The following MTFR1 variants were observed in gnomAD, a reference collection of about 807,000 sequenced individuals.
MTFR1 encodes the protein chondrocyte protein with a poly-proline region.
In MTFR1, 28 loss-of-function variants were observed where a neutral mutation model predicts 38.8. The observed-to-expected ratio is 0.72, with a 90% CI of 0.53 to 0.99. The LOEUF (loss-of-function observed/expected upper bound fraction) is 0.99. Ranked by LOEUF, MTFR1 falls within the 50% of genes least tolerant of loss-of-function variation. The pLI, the probability that MTFR1 is intolerant of heterozygous loss-of-function variation, is 0.00. For missense variants in MTFR1, 358 were observed against 395.5 expected, an observed-to-expected ratio of 0.91 and a Z score of 0.81; for synonymous variants, 145 against 137.0, an observed-to-expected ratio of 1.06 and a Z score of -0.41.
chr8:65,734,932 G>GT, intron 3 of MTFR1: 6 of 1,263,786 alleles, frequency 4.7e-6, no homozygotes, highest in Non-Finnish European at 5.8e-6. Flanking sequence ...TATTGTATAT[G>GT]AGCAACATAT....
chr8:65,665,215 G>A (rs1804347839), intron 1 of MTFR1, among the ~76,000 whole-genome samples: 2 of 152,248 alleles, frequency 1.3e-5, no homozygotes, highest in South Asian at 2.1e-4. Context: ...TTACAGGTAT[G>A]AGCCACCATG....
chr8:65,662,292 A>G (rs375919011), intron 1 of MTFR1, among the ~76,000 whole-genome samples: 5 of 151,566 alleles, frequency 3.3e-5, no homozygotes, highest in African/African-American at 4.9e-5. Flanking sequence ...TGGAGACGGG[A>G]TTTCGCTGTG....
At chr8:65,697,557 T>A (rs1163245867) in intron 4 of MTFR1, among the ~76,000 whole-genome samples, 1 of 152,264 alleles carries the variant, frequency 6.6e-6, no homozygotes, top group Non-Finnish European at 1.5e-5. Context: ...ATTCCAGTTT[T>A]TGGCTGTTAA....
chr8:65,708,258 G>A, intron 7 of MTFR1: 1 of 719,224 alleles, frequency 1.4e-6, no homozygotes, highest in Non-Finnish European at 2.1e-6. Flanking sequence ...TTTGAAACTT[G>A]TAGAAGAGCA....
chr8:65,688,951 C>A (rs1805188417), intron 3 of MTFR1, among the ~76,000 whole-genome samples: 1 of 151,732 alleles, frequency 6.6e-6, no homozygotes, highest in Admixed American at 6.6e-5. Context: ...TCAAGACCAC[C>A]CTGGTCAACA....
intron 1 of MTFR1, among the ~76,000 whole-genome samples, chr8:65,645,683 G>A (rs1273147389): frequency 1.0e-5 from 1 of 98,248 alleles, no homozygotes; most frequent in African/African-American, 4.1e-5. Flanking sequence ...GCGCCATCAC[G>A]CCCGGCTTTC....
intron 3 of MTFR1, among the ~76,000 whole-genome samples, chr8:65,769,105 G>A (rs139369145): frequency 0.016 from 2,480 of 151,908 alleles, 67 homozygotes; most frequent in African/African-American, 0.056. Flanking sequence ...AAAATTAGCC[G>A]GGCGTGATGG....
chr8:65,771,404 T>C (rs66609388), downstream of MTFR1: 18,143 of 152,530 alleles, frequency 0.12, 1,122 homozygotes, highest in Non-Finnish European at 0.14. Flanking sequence ...CACCCACAGA[T>C]ACAGCACATA....
chr8:65,671,876 G>T (rs1358166858), intron 2 of MTFR1, among the ~76,000 whole-genome samples: 1 of 152,210 alleles, frequency 6.6e-6, no homozygotes. Context: ...GACAGAGTAT[G>T]TAAAGCATCT....
At chr8:65,713,439 AAC>A (rs144454204), downstream of MTFR1, among the ~76,000 whole-genome samples, 16,183 of 137,222 alleles carry the variant, frequency 0.12, 927 homozygotes, top group African/African-American at 0.16. Context: ...TCCCATCTCA[AAC>A]ACACACACAC....
chr8:65,738,574 C>T lies in MTFR1; in HGVS notation c.*48+19093C>T, dbSNP rs1296608095. On this transcript the variant is annotated intron_variant, in intron 3 of 3. Coordinates refer to the MTFR1 transcript ENST00000521247. Reference sequence around the variant, plus strand: ...CCTCCCGAGCAGCTGGGATTACAGGCGTGCGCCACCATGCCTGGGTAATTT... The same window carrying T: ...CCTCCCGAGCAGCTGGGATTACAGGTGTGCGCCACCATGCCTGGGTAATTT... 3.9e-5 allele frequency among the ~76,000 whole-genome samples: 6 copies of T among 152,156 alleles called. No homozygotes were observed. In the East Asian group the frequency reaches 5.8e-4, roughly 15 times the overall value.
At chr8:65,737,794 C>T (rs1246286161) in intron 3 of MTFR1, among the ~76,000 whole-genome samples, 1 of 152,218 alleles carries the variant, frequency 6.6e-6, no homozygotes, top group Non-Finnish European at 1.5e-5. Flanking sequence ...GCTGGGATTA[C>T]AGGCGTGAGC....
At chr8:65,645,692 T>TTTCCC (rs1554544272) in intron 1 of MTFR1, among the ~76,000 whole-genome samples, 34 of 83,176 alleles carry the variant, frequency 4.1e-4, no homozygotes, top group African/African-American at 1.5e-3. Context: ...CGCCCGGCTT[T>TTTCCC]CCCCCCCCCC....
chr8:65,695,201 A>G (rs1279214469), intron 4 of MTFR1, among the ~76,000 whole-genome samples: 1 of 152,250 alleles, frequency 6.6e-6, no homozygotes, highest in Non-Finnish European at 1.5e-5. Flanking sequence ...GAAGAGGTTC[A>G]AAGCCAAGTG....
intron 3 of MTFR1, among the ~76,000 whole-genome samples, chr8:65,759,187 A>C (rs975983318): frequency 2.6e-5 from 4 of 152,144 alleles, no homozygotes; most frequent in African/African-American, 9.7e-5. Context: ...GTAATCACTG[A>C]AGTTTCTGTT....
intron 3 of MTFR1, among the ~76,000 whole-genome samples, chr8:65,745,153 G>A (rs1380530745): frequency 6.6e-6 from 1 of 152,148 alleles, no homozygotes; most frequent in Non-Finnish European, 1.5e-5. Flanking sequence ...CATGTAAGAT[G>A]TGCCTTTCAC....
chr8:65,682,599 G>A, intron 3 of MTFR1, 148 bp downstream of exon 3: 1 of 627,284 alleles, frequency 1.6e-6, no homozygotes. Flanking sequence ...AAAAACCACA[G>A]TAAAGCCTTT....
chr8:65,649,649 A>G (rs965973934), intron 1 of MTFR1, among the ~76,000 whole-genome samples: 62 of 152,136 alleles, frequency 4.1e-4, no homozygotes, highest in African/African-American at 1.5e-3. Context: ...GTTACAAACA[A>G]TCCAATTATA....
intron 3 of MTFR1, among the ~76,000 whole-genome samples, chr8:65,689,032 C>T (rs1046207011): frequency 2.0e-5 from 3 of 152,156 alleles, no homozygotes; most frequent in Admixed American, 6.5e-5. Flanking sequence ...GTAATCTCAG[C>T]TACTCAGGAG....
Sources: gnomAD v4.1 joint callset for allele counts (sites outside exome capture counted in the v4.1 genomes callset) on GRCh38, gnomAD v4.1.1 for gene constraint, MANE v1.5 for transcripts, NCBI Gene and HGNC (gene_info 2026-07-23, HGNC 2026-07-21) for gene names.